The following CHMP7 variants were observed in gnomAD, a reference collection of about 807,000 sequenced individuals.
CHMP7 encodes charged multivesicular body protein 7.
CHMP7 carries 15 observed loss-of-function variants against 53.7 expected under a neutral mutation model. The ratio of observed to expected loss-of-function variants is 0.28; its 90% CI spans 0.19 to 0.43. CHMP7 has a LOEUF of 0.43. Ranked by LOEUF, CHMP7 falls within the 20% of genes least tolerant of loss-of-function variation. The pLI is 1.00. For missense variants in CHMP7, 527 were observed against 569.4 expected (o/e 0.93, Z 0.76); for synonymous variants, 261 against 228.0 (o/e 1.14, Z -1.30).
Position 23,247,681 on chromosome 8 carries a change from T to A in CHMP7, c.299+687T>A, listed in dbSNP as rs191140370. 8.7e-4 allele frequency among the ~76,000 whole-genome samples: 133 copies of A among 152,282 alleles called. 1 individual carries two copies. The highest frequency in any genetic ancestry group is 2.9e-3 in the African/African-American group (119 of 41,556). ...GCACCATTTGACCCACTCAGCGGTC[T>A]TGTGGTGAGGTGATAGAATTATCCT... is the stretch of plus-strand genomic sequence containing the variant. On this transcript the variant is annotated intron_variant, in intron 2 of 10. Coordinates refer to ENST00000397677, the MANE Select transcript of CHMP7 (RefSeq NM_152272.5).
intron 1 of CHMP7, among the ~76,000 whole-genome samples, chr8:23,244,738 T>C (rs948981302): frequency 3.3e-5 from 5 of 152,236 alleles, no homozygotes; most frequent in African/African-American, 1.2e-4. Flanking sequence ...AGAATTGATA[T>C]CTTGATAATA....
Position 23,258,712 on chromosome 8 carries a change from T to C in CHMP7, c.961-20T>C, listed in dbSNP as rs1309876415. The stretch of plus-strand genomic sequence containing the variant: ...GCCAAATGTCTGTCATTTGCACTGA[T>C]AGCTTTGCTTTGTCTTTAGGTTTTT... On this transcript the variant is annotated intron_variant, in intron 7 of 10. Coordinates refer to ENST00000397677, the MANE Select transcript of CHMP7 (RefSeq NM_152272.5). 2.6e-6 allele frequency: 4 copies of C among 1,548,576 alleles called. No individual in the cohort carries two copies. The South Asian group carries it at 4.5e-5, about 17-fold the overall frequency.
chr8:23,253,694 CCAGT>C (rs1366414565), intron 3 of CHMP7, among the ~76,000 whole-genome samples: 11 of 152,252 alleles, frequency 7.2e-5, no homozygotes. Flanking sequence ...ATCACATCCA[CCAGT>C]CACTCAATCC....
intron 1 of CHMP7, among the ~76,000 whole-genome samples, chr8:23,245,580 T>G (rs1424997960): frequency 6.6e-6 from 1 of 152,214 alleles, no homozygotes; most frequent in African/African-American, 2.4e-5. Flanking sequence ...GTTTTGTGTT[T>G]TTTCTTTCTT....
Position 23,258,075 on chromosome 8 carries a change from G to A in CHMP7, c.834G>A (p.Lys278=). 6.2e-7 allele frequency: 1 copy of A among 1,612,890 alleles called. No homozygotes were observed. Among genetic ancestry groups the A allele is most frequent in the Non-Finnish European group, 8.5e-7 (1 of 1,178,970 alleles). ...EARRACRAGK[K]QLALRSLKAK... ...GCCGGGCATGCCGAGCAGGAAAGAA[G>A]CAGCTGGTGAGTTCTTGTCTCCTCC... The change falls in exon 6 of 11, where the codon AAG becomes AAA. Residue 278 remains lysine (K), a synonymous_variant. Transcript: ENST00000397677.
intron 9 of CHMP7, 136 bp from the exon 10 acceptor site, chr8:23,260,008 C>G (rs773925448): frequency 3.0e-6 from 2 of 657,588 alleles, no homozygotes; most frequent in South Asian, 2.0e-5. Flanking sequence ...TCCTGACTTC[C>G]GGGATTTTTT....
intron 4 of CHMP7, among the ~76,000 whole-genome samples, chr8:23,255,818 A>G (rs180874865): frequency 6.0e-5 from 9 of 150,750 alleles, no homozygotes; most frequent in South Asian, 2.1e-4. Context: ...TCGCCCAGCA[A>G]TGGCGCAATC....
Position 23,260,811 on chromosome 8 carries a change from C to G in CHMP7, c.*212C>G. 9 of 601,960 alleles carry G rather than the reference C, an allele frequency of 1.5e-5. No individual in the cohort carries two copies. The highest frequency in any genetic ancestry group is 1.4e-4 in the South Asian group (7 of 48,754). The allele number at this position is 601,960 out of a possible 1,614,324, so 37.3% of individuals were successfully genotyped here. A position where few individuals can be genotyped will look rare whatever the true frequency, so the allele number is the denominator to read the frequency against. ...GCTCCCAGCTGTATCATGGACCTGC[C>G]TTCTCATCTTTATAGTGCCACGATT... is the stretch of plus-strand genomic sequence containing the variant. On this transcript the variant is annotated 3_prime_UTR_variant, in exon 11 of 11. Coordinates refer to ENST00000397677, the MANE Select transcript of CHMP7 (RefSeq NM_152272.5).
In CHMP7 at chr8:23,249,231, G is replaced by A. The variant is rs773105548; in HGVS notation, c.321G>A (p.Glu107=). The A allele has an allele frequency of 5.6e-6, 9 of 1,598,400 alleles. No individual in the cohort carries two copies. In the Admixed American group the frequency reaches 8.8e-5, roughly 16 times the overall value. The part of the protein sequence containing the change: ...DLLRRGELQR[E]SDFMASVDSS... ...GCAGTCGAGGGGAGCTGCAGCGGGAGTCAGACTTCATGGCCAGTGTAGACA... is the reference window on the plus strand; with the variant it reads ...GCAGTCGAGGGGAGCTGCAGCGGGAATCAGACTTCATGGCCAGTGTAGACA... The change falls in exon 3 of 11, where the codon GAG becomes GAA. Residue 107 remains glutamate, a synonymous_variant. Coordinates refer to ENST00000397677, the MANE Select transcript of CHMP7 (RefSeq NM_152272.5).
intron 2 of CHMP7, among the ~76,000 whole-genome samples, chr8:23,248,474 T>G (rs1402897968): frequency 6.6e-6 from 1 of 152,210 alleles, no homozygotes; most frequent in Non-Finnish European, 1.5e-5. Flanking sequence ...TAACAGCTTT[T>G]GCTTGAGGGC....
rs1416959779 is a variant in CHMP7 at position 23,260,848 on chromosome 8, G to A, written c.*249G>A. On this transcript the variant is annotated 3_prime_UTR_variant, in exon 11 of 11. Coordinates refer to ENST00000397677, the MANE Select transcript of CHMP7 (RefSeq NM_152272.5). Reference sequence around the variant, plus strand: ...ATAGTGCCACGATTTATACAGTCCTGTGTCTGACCTGTCATTTCATAGCCT... The same window carrying A: ...ATAGTGCCACGATTTATACAGTCCTATGTCTGACCTGTCATTTCATAGCCT... 6 of 522,868 alleles carry A rather than the reference G, an allele frequency of 1.1e-5. No homozygotes were observed. Among genetic ancestry groups the A allele is most frequent in the Non-Finnish European group, 2.0e-5 (6 of 295,302 alleles). 32.4% of individuals were successfully genotyped at this position (522,868 alleles called of 1,614,324 possible). A position where few individuals can be genotyped will look rare whatever the true frequency, so the allele number is the denominator to read the frequency against.
rs769791976 is a variant in CHMP7, at chr8:23,246,650, C to G, written c.-46C>G. 1.1e-5 allele frequency: 17 copies of G among 1,509,234 alleles called. No homozygotes were observed. Among genetic ancestry groups the G allele is most frequent in the South Asian group, 6.2e-5 (5 of 81,166 alleles). 93.5% of individuals were successfully genotyped at this position (1,509,234 alleles called of 1,614,324 possible). On this transcript the variant is annotated 5_prime_UTR_variant, in exon 2 of 11. Transcript: ENST00000397677. Reference sequence around the variant, plus strand: ...GGGAGGGAACGAGGGCGGAAGCGGACCAGGGCCAGGCTTGTGTTCGCAGCC... The same window carrying G: ...GGGAGGGAACGAGGGCGGAAGCGGAGCAGGGCCAGGCTTGTGTTCGCAGCC...
intron 6 of CHMP7, 121 bp downstream of exon 6, chr8:23,258,202 G>T: frequency 1.4e-6 from 2 of 1,457,038 alleles, no homozygotes; most frequent in Non-Finnish European, 9.6e-7. Flanking sequence ...GGGGGCCCAG[G>T]CACCACAGCT....
rs2128857410 is a variant in CHMP7, at chr8:23,249,830, C to T, written c.471+449C>T. On this transcript the variant is annotated intron_variant, in intron 3 of 10. Coordinates refer to ENST00000397677, the MANE Select transcript of CHMP7 (RefSeq NM_152272.5). The stretch of plus-strand genomic sequence containing the variant: ...TGGCCTGCCTTCTGCTGCACATGCT[C>T]TTCTCCCTCGAAGAGGCCACTGGGG... Among the ~76,000 whole-genome samples, 4 of 152,260 alleles carry T rather than the reference C, an allele frequency of 2.6e-5. No homozygotes were observed. The Middle Eastern group carries it at 0.01, about 388-fold the overall frequency.
chr8:23,260,543 G>A lies in CHMP7; in HGVS notation c.1306G>A (p.Val436Ile). The change falls in exon 11 of 11, where the codon GTC becomes ATC. Residue 436 changes from valine to isoleucine, a missense_variant. By Grantham distance (29) the Val-to-Ile change is conservative (BLOSUM62 3). Coordinates refer to ENST00000397677, the MANE Select transcript of CHMP7 (RefSeq NM_152272.5). ...EKLSLSEGGL[V>I]PSSKSPKRQL... is the part of the protein sequence containing the mutation. ...GTCATTTCTTTGCCTTGCAGGTTTG[G>A]TCCCAAGCAGTAAATCTCCAAAAAG... 6.2e-7 allele frequency: 1 copy of A among 1,613,902 alleles called. No homozygotes were observed. Among genetic ancestry groups the A allele is most frequent in the Non-Finnish European group, 8.5e-7 (1 of 1,179,830 alleles).
intron 10 of CHMP7, 28 bp downstream of exon 10, chr8:23,260,351 G>A: frequency 6.2e-7 from 1 of 1,611,864 alleles, no homozygotes; most frequent in Non-Finnish European, 8.5e-7. Context: ...AAGGCCTTTG[G>A]AGGGCATATG....
chr8:23,251,095 G>T (rs933614818), intron 3 of CHMP7, among the ~76,000 whole-genome samples: 1 of 152,148 alleles, frequency 6.6e-6, no homozygotes, highest in Non-Finnish European at 1.5e-5. Flanking sequence ...TCCTCTCTGC[G>T]GTCTTTCTGT....
In CHMP7 at chr8:23,260,240, A is replaced by G. The variant is rs762027909; in HGVS notation, c.1217A>G (p.His406Arg). 1 of 1,614,186 alleles carries G rather than the reference A, an allele frequency of 6.2e-7. No homozygotes were observed. Among genetic ancestry groups the G allele is most frequent in the Non-Finnish European group, 8.5e-7 (1 of 1,180,028 alleles). Residue 406 changes from histidine (H) to arginine (R), a missense_variant, in exon 10 of 11, where the codon CAT (histidine) becomes CGT (arginine). Physicochemically the swap from His to Arg is conservative, Grantham distance 29. Coordinates refer to ENST00000397677, the MANE Select transcript of CHMP7 (RefSeq NM_152272.5). Reference protein sequence around the residue: ...LDLPDNPRNRHFTNSVPNPRI... With the variant: ...LDLPDNPRNRRFTNSVPNPRI... ...CTGCCTGACAACCCCCGCAATAGGCATTTTACCAACAGCGTGCCTAACCCT... is the reference window on the plus strand; with the variant it reads ...CTGCCTGACAACCCCCGCAATAGGCGTTTTACCAACAGCGTGCCTAACCCT...
intron 2 of CHMP7, chr8:23,247,951 G>C (rs1386408253): frequency 2.6e-6 from 1 of 384,138 alleles, no homozygotes; most frequent in Non-Finnish European, 5.3e-6. Context: ...TGCTCTTTCT[G>C]ATTAAGAGAT....
Sources: gnomAD v4.1 joint callset for allele counts (sites outside exome capture counted in the v4.1 genomes callset) on GRCh38, gnomAD v4.1.1 for gene constraint, MANE v1.5 for transcripts, NCBI Gene and HGNC (gene_info 2026-07-23, HGNC 2026-07-21) for gene names.